Variants in NPHS2 observed in about 807,000 individuals in gnomAD.
The protein encoded by NPHS2 is NPHS2 stomatin family member, podocin, also known as podocin.
Under a neutral mutation model 37.1 loss-of-function variants are expected in NPHS2, and 36 were observed. That is an observed-to-expected ratio of 0.97 (90% CI 0.74 to 1.28). The LOEUF is 1.28. Among genes scored for constraint, NPHS2 ranks in the 50% most tolerant of loss-of-function variants. The pLI, the probability that NPHS2 is intolerant of heterozygous loss-of-function variation, is 0.00. For missense variants in NPHS2, 447 were observed against 488.1 expected (o/e 0.92, Z 0.79); for synonymous variants, 196 against 189.3 (o/e 1.04, Z -0.29).
At chr1:179,568,060 G>T (rs1223881569) in intron 1 of NPHS2, among the ~76,000 whole-genome samples, 3 of 152,144 alleles carry the variant, frequency 2.0e-5, no homozygotes, top group Admixed American at 6.5e-5. Context: ...GGATTATGTT[G>T]TCCTCATAAA....
chr1:179,562,491 G>A (rs1372412225), intron 2 of NPHS2, among the ~76,000 whole-genome samples: 1 of 152,128 alleles, frequency 6.6e-6, no homozygotes, highest in African/African-American at 2.4e-5. Flanking sequence ...TGTGACTATA[G>A]ACAAATTTAT....
intron 1 of NPHS2, among the ~76,000 whole-genome samples, chr1:179,573,125 C>T (rs1218110941): frequency 6.6e-6 from 1 of 152,128 alleles, no homozygotes; most frequent in Non-Finnish European, 1.5e-5. Context: ...AGCTATGGCA[C>T]CTGGCCTAAA....
intron 1 of NPHS2, among the ~76,000 whole-genome samples, chr1:179,569,422 G>A (rs993854107): frequency 6.6e-6 from 1 of 151,648 alleles, no homozygotes; most frequent in Non-Finnish European, 1.5e-5. Context: ...CCTTTATTTT[G>A]AGCCTATGTG....
chr1:179,564,792 A>G lies in NPHS2; in HGVS notation c.276T>C (p.Gly92=), dbSNP rs955807467. 3 of 1,612,152 alleles carry G rather than the reference A, an allele frequency of 1.9e-6. No homozygotes were observed. The highest frequency in any genetic ancestry group is 1.7e-4 in the Middle Eastern group (1 of 6,058). The change falls in exon 2 of 8, where the codon GGT becomes GGC. Residue 92 remains glycine, a splice_region_variant and synonymous_variant. Transcript: ENST00000367615. ...AGGCCCCTAAGCCGGAGGATTTGGT[A>G]CCTTAAAAAAATTAAAGCAAAAGAA... The part of the protein sequence containing the change: ...ALLESERPEE[G]TKSSGLGACE...
intron 5 of NPHS2, chr1:179,554,857 G>A (rs942598555): frequency 5.2e-6 from 2 of 385,058 alleles, no homozygotes; most frequent in African/African-American, 4.0e-5. Flanking sequence ...TCTTGAGATG[G>A]GGATATTATC....
chr1:179,565,635 A>G (rs1470111274), intron 1 of NPHS2, among the ~76,000 whole-genome samples: 1 of 152,232 alleles, frequency 6.6e-6, no homozygotes, highest in Non-Finnish European at 1.5e-5. Context: ...GGTTTGTTAC[A>G]TAGGTATACA....
At chr1:179,552,571 G>A in intron 7 of NPHS2, 32 bp downstream of exon 7, 1 of 1,581,024 alleles carries the variant, frequency 6.3e-7, no homozygotes, top group Non-Finnish European at 8.7e-7. Flanking sequence ...CCTTCCTAAA[G>A]GGCAGTCTGG....
chr1:179,566,415 GT>G, intron 1 of NPHS2, among the ~76,000 whole-genome samples: 1 of 132,268 alleles, frequency 7.6e-6, no homozygotes, highest in East Asian at 2.2e-4. Context: ...TGATGGGGTT[GT>G]TTTTTTCTTG....
At position 179,554,631 on chromosome 1, in the gene NPHS2, C is replaced by A. The variant is rs983130812; in HGVS notation, c.739-100G>T. 2.0e-6 allele frequency: 3 copies of A among 1,514,514 alleles called. No individual in the cohort carries two copies. In the Admixed American group the frequency reaches 5.1e-5, roughly 26 times the overall value. The allele number at this position is 1,514,514 out of a possible 1,614,324, so 93.8% of individuals were successfully genotyped here. A position where few individuals can be genotyped will look rare whatever the true frequency, so the allele number is the denominator to read the frequency against. ...TTGTTCTGTACTAAGGAACAACATT[C>A]CCTTTGAAAGGACATTATTTGCCTG... On this transcript the variant is annotated intron_variant, in intron 5 of 7. Coordinates refer to ENST00000367615, the MANE Select transcript of NPHS2 (RefSeq NM_014625.4).
chr1:179,560,037 G>C (rs6696346), intron 3 of NPHS2, among the ~76,000 whole-genome samples: 1 of 152,148 alleles, frequency 6.6e-6, no homozygotes, highest in Non-Finnish European at 1.5e-5. Flanking sequence ...TCTCAATTGC[G>C]TGTCTGTCCT....
At chr1:179,559,803 T>A in intron 3 of NPHS2, 42 bp from the exon 4 acceptor site, 1 of 1,364,988 alleles carries the variant, frequency 7.3e-7, no homozygotes, top group Non-Finnish European at 1.0e-6. Flanking sequence ...ATAGCTAGCA[T>A]GAAGGCTGTT....
intron 3 of NPHS2, among the ~76,000 whole-genome samples, 167 bp from the exon 4 acceptor site, chr1:179,559,928 A>G (rs557196708): frequency 6.6e-6 from 1 of 152,270 alleles, no homozygotes; most frequent in Admixed American, 6.5e-5. Context: ...GCACTATTAT[A>G]TATTATAATA....
Position 179,550,876 on chromosome 1 carries a change from A to G in NPHS2, c.*297T>C, listed in dbSNP as rs760150467. The G allele has an allele frequency of 7.0e-6, 3 of 427,352 alleles. No homozygotes were observed. The highest frequency in any genetic ancestry group is 4.4e-6 in the Non-Finnish European group (1 of 228,732). 26.5% of individuals were successfully genotyped at this position (427,352 alleles called of 1,614,324 possible). A position where few individuals can be genotyped will look rare whatever the true frequency, so the allele number is the denominator to read the frequency against. On this transcript the variant is annotated 3_prime_UTR_variant, in exon 8 of 8. Transcript: ENST00000367615. ...AAAGGGACATCTGAACCAAGTTCCC[A>G]GAAGTCAAAATTTAACCACATCTAG...
At chr1:179,574,866 C>T (rs1162105254) in intron 1 of NPHS2, among the ~76,000 whole-genome samples, 1 of 152,198 alleles carries the variant, frequency 6.6e-6, no homozygotes, top group African/African-American at 2.4e-5. Context: ...AAAGAGACAC[C>T]TTTCTTTGCA....
Position 179,575,903 on chromosome 1 carries a change from G to A in NPHS2, c.-39C>T. ...GGGCGGCTGGAGCAGCAGCGCGGGA[G>A]CGCTAGGGGCACGGGAGCGCAGTCC... On this transcript the variant is annotated 5_prime_UTR_variant, in exon 1 of 8. Coordinates refer to ENST00000367615, the MANE Select transcript of NPHS2 (RefSeq NM_014625.4). 1 of 1,372,856 alleles carries A rather than the reference G, an allele frequency of 7.3e-7. No homozygotes were observed. Among genetic ancestry groups the A allele is most frequent in the Non-Finnish European group, 9.3e-7 (1 of 1,071,778 alleles). The allele number at this position is 1,372,856 out of a possible 1,614,324, so 85.0% of individuals were successfully genotyped here.
chr1:179,552,320 G>C (rs1673403943), intron 7 of NPHS2: 1 of 497,926 alleles, frequency 2.0e-6, no homozygotes, highest in Non-Finnish European at 3.7e-6. Flanking sequence ...CTAGAGAAGA[G>C]GGATTGATGT....
intron 4 of NPHS2, among the ~76,000 whole-genome samples, chr1:179,559,333 T>G (rs1344438891): frequency 6.6e-6 from 1 of 152,218 alleles, no homozygotes; most frequent in Non-Finnish European, 1.5e-5. Flanking sequence ...ATAGGTCAAA[T>G]GATCATGGCC....
chr1:179,563,437 T>A (rs1174511600), intron 2 of NPHS2, among the ~76,000 whole-genome samples: 1 of 152,168 alleles, frequency 6.6e-6, no homozygotes, highest in East Asian at 1.9e-4. Context: ...CATGGAAGAC[T>A]TGAATAGCAC....
chr1:179,553,634 G>A (rs924338055), intron 6 of NPHS2, among the ~76,000 whole-genome samples: 1 of 152,198 alleles, frequency 6.6e-6, no homozygotes, highest in African/African-American at 2.4e-5. Flanking sequence ...AACAAGTACA[G>A]GCTTCCTTTC....
Sources: allele counts gnomAD v4.1 joint callset (sites outside exome capture counted in the v4.1 genomes callset), GRCh38; gene constraint gnomAD v4.1.1; transcripts MANE v1.5; gene names NCBI Gene and HGNC (gene_info 2026-07-23, HGNC 2026-07-21).